Variants in ATP2B2 observed in about 807,000 individuals in gnomAD.
ATP2B2 encodes the protein ATPase plasma membrane Ca2+ transporting 2, also known as plasma membrane calcium-transporting ATPase 2.
ATP2B2 carries 15 observed loss-of-function variants against 120.0 expected under a neutral mutation model. The observed-to-expected ratio is 0.12, with a 90% confidence interval of 0.08 to 0.19. The LOEUF (loss-of-function observed/expected upper bound fraction) is 0.19. Ranked by LOEUF, ATP2B2 falls within the 10% of genes least tolerant of loss-of-function variation. The pLI is 1.00. For missense variants in ATP2B2, 1,045 were observed against 1,719.8 expected (o/e 0.61, Z 6.94); for synonymous variants, 694 against 700.3 (o/e 0.99, Z 0.14).
At chr3:10,372,131 C>T in intron 11 of ATP2B2, 80 bp from the exon 12 acceptor site, 9 of 1,594,508 alleles carry the variant, frequency 5.6e-6, no homozygotes, top group Non-Finnish European at 7.7e-6. Flanking sequence ...ACTGGGTAAA[C>T]ATGCAGTAAA....
chr3:10,549,400 T>C (rs1263710241), intron 2 of ATP2B2, among the ~76,000 whole-genome samples: 2 of 151,192 alleles, frequency 1.3e-5, no homozygotes, highest in Non-Finnish European at 2.9e-5. Context: ...GGGTTTGAGA[T>C]GGTTGAGAAA....
chr3:10,471,499 G>A (rs960383796), intron 1 of ATP2B2, among the ~76,000 whole-genome samples: 48 of 151,994 alleles, frequency 3.2e-4, no homozygotes, highest in Admixed American at 1.3e-4. Flanking sequence ...GGGAGGGTAC[G>A]GGAGGAGGGG....
intron 5 of ATP2B2, among the ~76,000 whole-genome samples, chr3:10,391,935 C>T (rs2061864980): frequency 6.6e-6 from 1 of 152,160 alleles, no homozygotes. Flanking sequence ...GTGTCTACCT[C>T]CCTGGCCTTT....
intron 1 of ATP2B2, among the ~76,000 whole-genome samples, chr3:10,500,161 C>T (rs1442184411): frequency 2.0e-5 from 3 of 151,894 alleles, no homozygotes; most frequent in African/African-American, 7.3e-5. Context: ...TGGTCTCGAA[C>T]TCCTGACCTC....
At chr3:10,650,637 CCCT>C (rs2070433525) in intron 1 of ATP2B2, among the ~76,000 whole-genome samples, 1 of 152,180 alleles carries the variant, frequency 6.6e-6, no homozygotes, top group African/African-American at 2.4e-5. Context: ...TCACAGCAGC[CCCT>C]CCTATCACAG....
chr3:10,663,106 G>A (rs989813762), intron 1 of ATP2B2, among the ~76,000 whole-genome samples: 1 of 111,748 alleles, frequency 8.9e-6, no homozygotes, highest in Non-Finnish European at 1.8e-5. Flanking sequence ...GTGGGGGGAG[G>A]GGGGAGGGAT....
At chr3:10,423,654 C>T (rs918197241) in intron 2 of ATP2B2, among the ~76,000 whole-genome samples, 2 of 152,140 alleles carry the variant, frequency 1.3e-5, no homozygotes, top group Non-Finnish European at 1.5e-5. Flanking sequence ...CATGGTTGAG[C>T]GCAGACAAGA....
rs578159221 is a variant in ATP2B2, at chr3:10,381,500, G to GTTTTTC, written c.1001-2217_1001-2216insGAAAAA. 6.2e-4 allele frequency among the ~76,000 whole-genome samples: 95 copies of GTTTTTC among 152,280 alleles called. 1 individual carries two copies. Among genetic ancestry groups the GTTTTTC allele is most frequent in the African/African-American group, 2.2e-3 (93 of 41,558 alleles). On this transcript the variant is annotated intron_variant, in intron 8 of 22. Coordinates refer to ENST00000360273, the MANE Select transcript of ATP2B2 (RefSeq NM_001001331.4). ...AGCACTTTCCTCTTTTATTTCCAGA[G>GTTTTTC]TGAACACGTGATCAGAAAAATAATC...
intron 1 of ATP2B2, among the ~76,000 whole-genome samples, chr3:10,504,669 G>T (rs1432308636): frequency 2.6e-5 from 4 of 152,098 alleles, no homozygotes; most frequent in Non-Finnish European, 5.9e-5. Flanking sequence ...CACCCTCAGG[G>T]AGTCCTGAGG....
At chr3:10,530,427 G>A (rs1185388306) in intron 3 of ATP2B2, among the ~76,000 whole-genome samples, 2 of 152,218 alleles carry the variant, frequency 1.3e-5, no homozygotes, top group African/African-American at 4.8e-5. Context: ...ACCTGCGGCC[G>A]GAGTGTCCCA....
intron 1 of ATP2B2, among the ~76,000 whole-genome samples, chr3:10,631,855 T>C (rs1356856343): frequency 1.3e-5 from 2 of 152,260 alleles, no homozygotes; most frequent in Non-Finnish European, 2.9e-5. Context: ...TTGCTGCTAA[T>C]TTCCCAGTTT....
chr3:10,558,609 C>G (rs1049032481), intron 2 of ATP2B2, among the ~76,000 whole-genome samples: 1 of 152,176 alleles, frequency 6.6e-6, no homozygotes, highest in Non-Finnish European at 1.5e-5. Context: ...AGCCTGACCT[C>G]CTATGACTGT....
intron 5 of ATP2B2, among the ~76,000 whole-genome samples, chr3:10,396,382 T>C (rs2062037179): frequency 6.6e-6 from 1 of 152,228 alleles, no homozygotes; most frequent in African/African-American, 2.4e-5. Flanking sequence ...AGGCCAAGCA[T>C]GGTTGGACCA....
rs543758149 is a variant in ATP2B2, at chr3:10,342,301, G to A, written c.2917+451C>T. 7.2e-5 allele frequency among the ~76,000 whole-genome samples: 11 copies of A among 152,328 alleles called. No homozygotes were observed. The highest frequency in any genetic ancestry group is 2.4e-4 in the African/African-American group (10 of 41,574). ...ACCCAACCAGGCAGCCCAAGTGGAA[G>A]CATTGTGAGAGTCGGTGGTGGTGTG... On this transcript the variant is annotated intron_variant, in intron 19 of 22. Transcript: ENST00000360273. The surrounding 1 kb of genome is among the most constrained non-coding windows in gnomAD (Gnocchi z 4.4).
rs140666150 is a variant in ATP2B2, at chr3:10,623,686, G to T, written c.-459-3725C>A. Among the ~76,000 whole-genome samples the T allele has an allele frequency of 2.0e-5, 3 of 152,286 alleles. No homozygotes were observed. The East Asian group carries it at 5.8e-4, about 29-fold the overall frequency. Reference sequence around the variant, plus strand: ...GACAATGAGGTTCCAGTATGTACCTGGTTCTCTGTGATACCACTGTTCAGT... The same window carrying T: ...GACAATGAGGTTCCAGTATGTACCTTGTTCTCTGTGATACCACTGTTCAGT... On this transcript the variant is annotated intron_variant, in intron 1 of 21. Transcript: ENST00000646379.
intron 2 of ATP2B2, among the ~76,000 whole-genome samples, chr3:10,588,715 C>T (rs143643077): frequency 7.9e-5 from 12 of 152,258 alleles, no homozygotes; most frequent in Middle Eastern, 3.4e-3. Flanking sequence ...GAGTGATTGA[C>T]GGGCACTATT....
At chr3:10,502,018 C>T (rs1419187042) in intron 1 of ATP2B2, among the ~76,000 whole-genome samples, 1 of 152,174 alleles carries the variant, frequency 6.6e-6, no homozygotes, top group Non-Finnish European at 1.5e-5. Context: ...AATGGGTTTC[C>T]TGACCCATAC....
chr3:10,384,648 A>C (rs1367138432), intron 8 of ATP2B2, among the ~76,000 whole-genome samples: 1 of 151,948 alleles, frequency 6.6e-6, no homozygotes, highest in African/African-American at 2.4e-5. Flanking sequence ...ACGCTCCAGC[A>C]CAGGCAACAG....
intron 1 of ATP2B2, among the ~76,000 whole-genome samples, chr3:10,490,040 C>T (rs972147776): frequency 2.0e-5 from 3 of 152,248 alleles, no homozygotes; most frequent in Admixed American, 2.0e-4. Context: ...TTCCAGCTGG[C>T]TGGCTGTTAG....
Sources: gnomAD v4.1 joint callset for allele counts (sites outside exome capture counted in the v4.1 genomes callset) on GRCh38, gnomAD v4.1.1 for gene constraint, Gnocchi (gnomAD v3.1) non-coding constraint, MANE v1.5 for transcripts, NCBI Gene and HGNC (gene_info 2026-07-23, HGNC 2026-07-21) for gene names.